Variants in ADAM9 observed in about 807,000 individuals in gnomAD.
ADAM9 encodes ADAM metallopeptidase domain 9.
ADAM9 carries 54 observed loss-of-function variants against 108.1 expected under a neutral mutation model. That is an observed-to-expected ratio of 0.50 (90% CI 0.40 to 0.63). The LOEUF (loss-of-function observed/expected upper bound fraction) is 0.63. Among genes scored for constraint, ADAM9 ranks in the 20% least tolerant of loss-of-function variants. The probability of loss-of-function intolerance (pLI) is 0.00; values close to 1 mark genes in which losing one functional copy is unlikely to be tolerated. For missense variants in ADAM9, 830 were observed against 997.7 expected, an observed-to-expected ratio of 0.83 and a Z score of 2.26; for synonymous variants, 316 against 336.0, an observed-to-expected ratio of 0.94 and a Z score of 0.65.
intron 20 of ADAM9, among the ~76,000 whole-genome samples, chr8:39,097,989 C>A (rs1437416562): frequency 6.6e-6 from 1 of 152,174 alleles, no homozygotes; most frequent in Non-Finnish European, 1.5e-5. Flanking sequence ...CTTATTGAAT[C>A]TCAGCTTATT....
chr8:39,020,787 T>A (rs1311699225), intron 7 of ADAM9, among the ~76,000 whole-genome samples: 3 of 152,188 alleles, frequency 2.0e-5, no homozygotes, highest in African/African-American at 7.2e-5. Context: ...TCCATAAATC[T>A]TCTTCCACTA....
chr8:39,021,057 TAAG>T (rs1836723008), intron 7 of ADAM9, among the ~76,000 whole-genome samples: 1 of 152,228 alleles, frequency 6.6e-6, no homozygotes, highest in Non-Finnish European at 1.5e-5. Flanking sequence ...AAAGGAACAT[TAAG>T]AAGATAATTC....
rs1267107431 is a variant in ADAM9 at position 39,059,873 on chromosome 8, TC to T, written c.1591+4102del. ...GATGGGTAGGAAGTTCCCCGTGAGGTCATAGTTGCTGGCTAGGAGAGAAAAT... is the reference window on the plus strand; with the variant it reads ...GATGGGTAGGAAGTTCCCCGTGAGGTATAGTTGCTGGCTAGGAGAGAAAAT... On this transcript the variant is annotated intron_variant, in intron 14 of 21. Transcript: ENST00000487273. Among the ~76,000 whole-genome samples the T allele has an allele frequency of 4.6e-5, 7 of 152,292 alleles. No individual in the cohort carries two copies. In the East Asian group the frequency reaches 1.2e-3, roughly 25 times the overall value.
At chr8:39,003,376 C>T (rs373543149) in intron 1 of ADAM9, among the ~76,000 whole-genome samples, 18 of 151,778 alleles carry the variant, frequency 1.2e-4, no homozygotes, top group African/African-American at 3.6e-4. Context: ...CACAGGACAG[C>T]GCCCTTACAG....
intron 14 of ADAM9, among the ~76,000 whole-genome samples, chr8:39,064,488 C>A (rs576574324): frequency 6.6e-6 from 1 of 152,152 alleles, no homozygotes; most frequent in African/African-American, 2.4e-5. Context: ...CTGAAAATCC[C>A]AGATTTGTAG....
At chr8:39,098,020 A>G (rs532446253) in intron 20 of ADAM9, among the ~76,000 whole-genome samples, 128 of 152,168 alleles carry the variant, frequency 8.4e-4, no homozygotes, top group African/African-American at 3.0e-3. Flanking sequence ...ATCTACTTCA[A>G]CTGGGTATCT....
intron 12 of ADAM9, among the ~76,000 whole-genome samples, chr8:39,052,582 A>T (rs114178058): frequency 2.0e-4 from 30 of 152,054 alleles, no homozygotes; most frequent in Non-Finnish European, 3.7e-4. Context: ...AGTTTTTTTT[A>T]AATTTAAAAT....
chr8:39,035,346 A>G (rs532888839), intron 11 of ADAM9, among the ~76,000 whole-genome samples: 11 of 152,156 alleles, frequency 7.2e-5, no homozygotes. Flanking sequence ...CATGCTTGTC[A>G]CTTTTGTCTC....
rs1353633938 is a variant in ADAM9, at chr8:39,090,035, T to A, written c.2069-12T>A. 6.2e-7 allele frequency: 1 copy of A among 1,613,528 alleles called. No individual in the cohort carries two copies. Among genetic ancestry groups the A allele is most frequent in the Non-Finnish European group, 8.5e-7 (1 of 1,179,750 alleles). On this transcript the variant is annotated splice_polypyrimidine_tract_variant and intron_variant, in intron 18 of 21. Coordinates refer to ENST00000487273, the MANE Select transcript of ADAM9 (RefSeq NM_003816.3). ...AGTTTGGTGACTGTTGATGTAAAATTCTTCTCTCTAGAAATGAATACTGCA... is the reference window on the plus strand; with the variant it reads ...AGTTTGGTGACTGTTGATGTAAAATACTTCTCTCTAGAAATGAATACTGCA...
intron 21 of ADAM9, among the ~76,000 whole-genome samples, chr8:39,103,278 G>C (rs1376265379): frequency 1.3e-5 from 2 of 151,740 alleles, no homozygotes; most frequent in African/African-American, 4.8e-5. Context: ...ACAGGCAAGT[G>C]CTTGATCACT....
intron 18 of ADAM9, among the ~76,000 whole-genome samples, chr8:39,086,718 T>G (rs1378432331): frequency 1.3e-5 from 2 of 152,204 alleles, no homozygotes; most frequent in Admixed American, 1.3e-4. Context: ...TGGATATTTT[T>G]GGATTTCTAT....
intron 18 of ADAM9, among the ~76,000 whole-genome samples, chr8:39,088,069 T>C (rs1839231083): frequency 6.6e-6 from 1 of 152,142 alleles, no homozygotes; most frequent in Non-Finnish European, 1.5e-5. Context: ...TAGATTATCA[T>C]AAAGACCTTC....
At chr8:39,041,566 CA>C (rs1837456353) in intron 11 of ADAM9, among the ~76,000 whole-genome samples, 1 of 152,134 alleles carries the variant, frequency 6.6e-6, no homozygotes, top group Non-Finnish European at 1.5e-5. Context: ...AGATTGGAGA[CA>C]ACGTACAGCT....
At chr8:39,074,247 G>T (rs184605172) in intron 15 of ADAM9, among the ~76,000 whole-genome samples, 1 of 152,120 alleles carries the variant, frequency 6.6e-6, no homozygotes, top group African/African-American at 2.4e-5. Context: ...AGTTTTTGTT[G>T]TATTTCTTTT....
intron 1 of ADAM9, among the ~76,000 whole-genome samples, chr8:39,006,482 G>C (rs1408342230): frequency 6.6e-6 from 1 of 150,924 alleles, no homozygotes; most frequent in Non-Finnish European, 1.5e-5. Flanking sequence ...GGAAACTCAT[G>C]AGTGAATGAA....
At chr8:39,026,463 C>CAAGA (rs1212880313) in intron 10 of ADAM9, among the ~76,000 whole-genome samples, 2 of 152,148 alleles carry the variant, frequency 1.3e-5, no homozygotes, top group African/African-American at 4.8e-5. Flanking sequence ...AGTGGTTGAC[C>CAAGA]TCTTGCTTGA....
Position 39,025,788 on chromosome 8 carries a change from T to C in ADAM9, c.915-15T>C. The C allele has an allele frequency of 3.7e-6, 6 of 1,613,224 alleles. No individual in the cohort carries two copies. Among genetic ancestry groups the C allele is most frequent in the Non-Finnish European group, 4.2e-6 (5 of 1,179,292 alleles). ...TTCCCCAAGAACATTTTTTAACTTT[T>C]ACATTTTCATTTAGAAAGAAAGGTT... On this transcript the variant is annotated splice_polypyrimidine_tract_variant and intron_variant, in intron 9 of 21. Transcript: ENST00000487273.
intron 14 of ADAM9, among the ~76,000 whole-genome samples, chr8:39,068,057 G>C (rs564789632): frequency 6.6e-6 from 1 of 152,218 alleles, no homozygotes; most frequent in East Asian, 1.9e-4. Flanking sequence ...TTATTGATTT[G>C]CATATGTTGT....
chr8:39,060,066 G>A (rs1436219184), intron 14 of ADAM9, among the ~76,000 whole-genome samples: 1 of 152,210 alleles, frequency 6.6e-6, no homozygotes, highest in Non-Finnish European at 1.5e-5. Flanking sequence ...ATGACATCCA[G>A]TTTATCATGG....
Sources: gnomAD v4.1 joint callset for allele counts (sites outside exome capture counted in the v4.1 genomes callset) on GRCh38, gnomAD v4.1.1 for gene constraint, MANE v1.5 for transcripts, NCBI Gene and HGNC (gene_info 2026-07-23, HGNC 2026-07-21) for gene names.